SSC5D: variants seen among roughly 807,000 people sequenced by gnomAD.
SSC5D encodes the protein soluble scavenger receptor cysteine-rich domain-containing protein SSC5D.
In SSC5D, 106 loss-of-function variants were observed where a neutral mutation model predicts 104.6. That is an observed-to-expected ratio of 1.01 (90% confidence interval 0.87 to 1.19). The LOEUF is 1.19. SSC5D is among the 50% of genes most tolerant of loss of function. SSC5D has a pLI of 0.00. For synonymous variants in SSC5D, 860 were observed against 883.5 expected (o/e 0.97, Z 0.47); for missense variants, 1,993 against 2,153.8 (o/e 0.93, Z 1.48).
chr19:55,497,334 A>T (rs1987350187), intron 8 of SSC5D, among the ~76,000 whole-genome samples: 1 of 152,242 alleles, frequency 6.6e-6, no homozygotes, highest in Non-Finnish European at 1.5e-5. Context: ...ATAAAATCTA[A>T]GAAAGAAGAA....
In SSC5D at chr19:55,490,772, A is replaced by C; in HGVS notation, c.587A>C (p.Glu196Ala). ...CGTCCCCTCCCTGCTCACCCCACAG[A>C]GCGGCTGCGCCTGGTCTCTGGCCCC... Reference protein sequence around the residue: ...PLLTTGAPRQERLRLVSGPHR... With the variant: ...PLLTTGAPRQARLRLVSGPHR... Residue 196 changes from glutamate (E) to alanine (A), a missense_variant and splice_region_variant, in exon 6 of 14, where the codon GAG (glutamate) becomes GCG (alanine). By Grantham distance (107) the Glu-to-Ala change is moderately radical. Coordinates refer to ENST00000389623, the MANE Select transcript of SSC5D (RefSeq NM_001144950.2). The C allele has an allele frequency of 6.6e-7, 1 of 1,524,244 alleles. No individual in the cohort carries two copies. Among genetic ancestry groups the C allele is most frequent in the Non-Finnish European group, 8.8e-7 (1 of 1,137,840 alleles). The allele number at this position is 1,524,244 out of a possible 1,614,324, so 94.4% of individuals were successfully genotyped here.
intron 12 of SSC5D, among the ~76,000 whole-genome samples, chr19:55,505,475 G>A (rs978209312): frequency 2.0e-5 from 3 of 151,720 alleles, no homozygotes; most frequent in African/African-American, 7.3e-5. Context: ...TTAAAACAAC[G>A]CAGACTTATT....
rs74181759 is a variant in SSC5D, at chr19:55,495,233, A to ATTTTTTTTTTTTTT, written c.1387+464_1387+477dup. On this transcript the variant is annotated intron_variant, in intron 8 of 13. Coordinates refer to ENST00000389623, the MANE Select transcript of SSC5D (RefSeq NM_001144950.2). ...CCTCCTTTCATATATATATATATATATTTTTTTTTTTTTTTTTTTTTTTTT... is the reference window on the plus strand; with the variant it reads ...CCTCCTTTCATATATATATATATATATTTTTTTTTTTTTTTTTTTTTTTTTTTTTTTTTTTTTTT... Among the ~76,000 whole-genome samples the ATTTTTTTTTTTTTT allele has an allele frequency of 3.9e-5, 2 of 50,662 alleles. 1 individual carries two copies. The highest frequency in any genetic ancestry group is 6.4e-5 in the Non-Finnish European group (2 of 31,396). The allele number at this position is 50,662 out of a possible 152,430, so 33.2% of individuals were successfully genotyped here.
chr19:55,492,933 G>A (rs1987192246), intron 6 of SSC5D: 1 of 152,176 alleles, frequency 6.6e-6, no homozygotes. Flanking sequence ...AGAGGCTGAG[G>A]CGGGGAGGAT....
chr19:55,515,415 A>AAAG (rs764260182), intron 13 of SSC5D, among the ~76,000 whole-genome samples: 12,692 of 143,488 alleles, frequency 0.088, 837 homozygotes, highest in East Asian at 0.16. Context: ...AAAAAAAAAA[A>AAAG]AAGTTAAATG....
intron 4 of SSC5D, 24 bp from the exon 5 acceptor site, chr19:55,490,274 A>G: frequency 1.4e-6 from 1 of 736,750 alleles, no homozygotes; most frequent in South Asian, 1.5e-5. Flanking sequence ...TCAGCTCCTG[A>G]CCCCTGGCTG....
intron 12 of SSC5D, among the ~76,000 whole-genome samples, chr19:55,507,665 C>CAAAAAAAAAAAAAAA (rs61340967): frequency 2.6e-5 from 2 of 75,946 alleles, no homozygotes; most frequent in Admixed American, 1.8e-4. Flanking sequence ...GACTCCGTCT[C>CAAAAAAAAAAAAAAA]AAAAAAAAAA....
At chr19:55,512,175 G>A (rs1987771253) in intron 12 of SSC5D, among the ~76,000 whole-genome samples, 2 of 137,988 alleles carry the variant, frequency 1.4e-5, no homozygotes, top group Non-Finnish European at 3.1e-5. Flanking sequence ...ACTCCATCCT[G>A]GGTGGCAGAG....
rs557821792 is a variant in SSC5D, at chr19:55,514,493, C to T, written c.2947+1321C>T. On this transcript the variant is annotated intron_variant, in intron 13 of 13. Coordinates refer to ENST00000389623, the MANE Select transcript of SSC5D (RefSeq NM_001144950.2). ...GCAGGCGCCTGTAATCCCAGCTACTCGGGAGGCTGAGGCAGGAGAACTGCT... is the reference window on the plus strand; with the variant it reads ...GCAGGCGCCTGTAATCCCAGCTACTTGGGAGGCTGAGGCAGGAGAACTGCT... 1.6e-3 allele frequency among the ~76,000 whole-genome samples: 234 copies of T among 146,858 alleles called. 1 individual carries two copies. The highest frequency in any genetic ancestry group is 5.6e-3 in the African/African-American group (222 of 39,958).
Position 55,500,322 on chromosome 19 carries a change from C to G in SSC5D, c.2212C>G (p.Leu738Val), listed in dbSNP as rs1445217849. Residue 738 changes from leucine (L) to valine (V), a missense_variant, in exon 10 of 14, where the codon CTG (leucine) becomes GTG (valine). Physicochemically the swap from Leu to Val is conservative, Grantham distance 32. Coordinates refer to ENST00000389623, the MANE Select transcript of SSC5D (RefSeq NM_001144950.2). This position sits in a 1 kb window ranked among gnomAD's most constrained non-coding sequence, Gnocchi z 4.6. ...TATCAAGAGTATCCCTCAGGCCTCC[C>G]TGGAGCCATCTGCTGAGATCCCAGA... is the stretch of plus-strand genomic sequence containing the variant. ...STIKSIPQAS[L>V]EPSAEIPEGS... 6.4e-7 allele frequency: 1 copy of G among 1,551,664 alleles called. No homozygotes were observed. The highest frequency in any genetic ancestry group is 8.7e-7 in the Non-Finnish European group (1 of 1,147,002).
intron 8 of SSC5D, among the ~76,000 whole-genome samples, chr19:55,496,371 A>T (rs569813948): frequency 4.7e-4 from 72 of 152,334 alleles, no homozygotes; most frequent in African/African-American, 1.6e-3. Flanking sequence ...ACAGAAAATA[A>T]AAAGGCGTGG....
rs1289227216 is a variant in SSC5D, at chr19:55,500,524, C to A, written c.2337C>A (p.Asn779Lys). ...LFRVRLADGP[N>K]RCAGRLEVWH... ...GGGTTCGTCTGGCCGATGGGCCCAA[C>A]CGCTGTGCTGGCCGGCTGGAAGTGT... is the stretch of plus-strand genomic sequence containing the variant. The change falls in exon 11 of 14, where the codon AAC (asparagine) becomes AAA (lysine). Residue 779 changes from asparagine to lysine, a missense_variant. By Grantham distance (94) the Asn-to-Lys change is moderately conservative. Transcript: ENST00000389623. This position sits in a 1 kb window ranked among gnomAD's most constrained non-coding sequence, Gnocchi z 4.6. The A allele has an allele frequency of 6.4e-7, 1 of 1,551,594 alleles. No homozygotes were observed. Among genetic ancestry groups the A allele is most frequent in the Non-Finnish European group, 8.7e-7 (1 of 1,147,000 alleles).
At position 55,493,641 on chromosome 19, in the gene SSC5D, C is replaced by T. The variant is rs759268137; in HGVS notation, c.942C>T (p.Ala314=). The change falls in exon 7 of 14, where the codon GCC becomes GCT. Residue 314 remains alanine, a synonymous_variant. Transcript: ENST00000389623. Reference sequence around the variant, plus strand: ...TGGCCGATGGCCCCCACGGGTGCGCCGGCCGCCTGGAGGTCTGGCACGGGG... The same window carrying T: ...TGGCCGATGGCCCCCACGGGTGCGCTGGCCGCCTGGAGGTCTGGCACGGGG... The part of the protein sequence containing the change: ...LRLADGPHGC[A]GRLEVWHGGR... 6.4e-5 allele frequency: 95 copies of T among 1,494,296 alleles called. No individual in the cohort carries two copies. Among genetic ancestry groups the T allele is most frequent in the South Asian group, 3.2e-4 (25 of 78,626 alleles). 92.6% of individuals were successfully genotyped at this position (1,494,296 alleles called of 1,614,324 possible).
rs912043617 is a variant in SSC5D, at chr19:55,503,127, G to A, written c.2785+1926G>A. On this transcript the variant is annotated intron_variant, in intron 12 of 13. Coordinates refer to ENST00000389623, the MANE Select transcript of SSC5D (RefSeq NM_001144950.2). This position sits in a 1 kb window ranked among gnomAD's most constrained non-coding sequence, Gnocchi z 4.0. Reference sequence around the variant, plus strand: ...TGCTCCCGGCCTGATTTTTTGTCGAGATGGGTTCTCACTATGTTGCCCAGG... The same window carrying A: ...TGCTCCCGGCCTGATTTTTTGTCGAAATGGGTTCTCACTATGTTGCCCAGG... Among the ~76,000 whole-genome samples, 1 of 151,990 alleles carries A rather than the reference G, an allele frequency of 6.6e-6. No homozygotes were observed. The highest frequency in any genetic ancestry group is 2.4e-5 in the African/African-American group (1 of 41,376).
At chr19:55,493,300 T>G (rs962527074) in intron 6 of SSC5D, among the ~76,000 whole-genome samples, 9 of 151,984 alleles carry the variant, frequency 5.9e-5, no homozygotes, top group Admixed American at 3.3e-4. Flanking sequence ...GACTTGGAAA[T>G]CCGGCTCTCT....
Position 55,490,876 on chromosome 19 carries a change from G to C in SSC5D, c.691G>C (p.Asp231His). 6.5e-7 allele frequency: 1 copy of C among 1,546,702 alleles called. No homozygotes were observed. Among genetic ancestry groups the C allele is most frequent in the Non-Finnish European group, 8.7e-7 (1 of 1,145,052 alleles). Residue 231 changes from aspartate to histidine, a missense_variant, in exon 6 of 14, where the codon GAC becomes CAC. By Grantham distance (81) the Asp-to-His change is moderately conservative. Around this residue, in one of 6 missense-constraint regions of SSC5D, gnomAD observed 1,101 missense variants for 1,085.0 expected, o/e 1.01. Transcript: ENST00000389623. ...ATGTGACGATGGCTGGGACCTGCGC[G>C]ACGCTGCTGTAGCCTGCCGGGAACT... ...TVCDDGWDLR[D>H]AAVACRELGC... is the part of the protein sequence containing the mutation.
Position 55,501,996 on chromosome 19 carries a change from G to A in SSC5D, c.2785+795G>A, listed in dbSNP as rs547753046. On this transcript the variant is annotated intron_variant, in intron 12 of 13. Transcript: ENST00000389623. ...CAGCTCACTGCAGCCTTGACTGCCC[G>A]GGCCCAAGCGATCCTCCTGCCTCAG... 1.1e-3 allele frequency among the ~76,000 whole-genome samples: 160 copies of A among 152,102 alleles called. 1 individual carries two copies. The highest frequency in any genetic ancestry group is 3.7e-3 in the African/African-American group (154 of 41,478).
At position 55,503,048 on chromosome 19, in the gene SSC5D, C is replaced by T. The variant is rs752774788; in HGVS notation, c.2785+1847C>T. Among the ~76,000 whole-genome samples, 20 of 152,144 alleles carry T rather than the reference C, an allele frequency of 1.3e-4. No individual in the cohort carries two copies. The highest frequency in any genetic ancestry group is 6.8e-3 in the Middle Eastern group (2 of 294). The stretch of plus-strand genomic sequence containing the variant: ...CAGGCTGGTCTCAAATTCCTGACCT[C>T]GTGATCCGCCTGCCTCGGCCTCCCA... On this transcript the variant is annotated intron_variant, in intron 12 of 13. Coordinates refer to ENST00000389623, the MANE Select transcript of SSC5D (RefSeq NM_001144950.2). The surrounding 1 kb of genome is among the most constrained non-coding windows in gnomAD (Gnocchi z 4.0).
Position 55,500,867 on chromosome 19 carries a change from G to A in SSC5D, c.2617+63G>A. Reference sequence around the variant, plus strand: ...GTGGCCAGGAGAATGGAGTCAGGGTGGGGCCAGGTGACGGCACCATGGTCG... The same window carrying A: ...GTGGCCAGGAGAATGGAGTCAGGGTAGGGCCAGGTGACGGCACCATGGTCG... On this transcript the variant is annotated intron_variant, in intron 11 of 13. Coordinates refer to ENST00000389623, the MANE Select transcript of SSC5D (RefSeq NM_001144950.2). This position sits in a 1 kb window ranked among gnomAD's most constrained non-coding sequence, Gnocchi z 4.6. 6.6e-7 allele frequency: 1 copy of A among 1,515,360 alleles called. No homozygotes were observed. The highest frequency in any genetic ancestry group is 8.9e-7 in the Non-Finnish European group (1 of 1,126,500). The allele number at this position is 1,515,360 out of a possible 1,614,324, so 93.9% of individuals were successfully genotyped here.
Sources: gnomAD v4.1 joint callset for allele counts (sites outside exome capture counted in the v4.1 genomes callset) on GRCh38, gnomAD v4.1.1 for gene constraint, gnomAD v4.1.1 regional missense constraint, Gnocchi (gnomAD v3.1) non-coding constraint, MANE v1.5 for transcripts, NCBI Gene and HGNC (gene_info 2026-07-23, HGNC 2026-07-21) for gene names.